Variants in ZNF726 observed in about 807,000 individuals in gnomAD.
The protein encoded by ZNF726 is zinc finger protein 92 pseudogene 3.
A neutral mutation model predicts 11.6 loss-of-function variants in ZNF726; 15 were observed. That is an observed-to-expected ratio of 1.29 (90% CI 0.86 to 1.99). The LOEUF (loss-of-function observed/expected upper bound fraction) is 1.99. Ranked by LOEUF, ZNF726 falls within the 30% of genes most tolerant of loss-of-function variation. The probability of loss-of-function intolerance (pLI) is 0.00; values close to 1 mark genes in which losing one functional copy is unlikely to be tolerated. For synonymous variants in ZNF726, 295 were observed against 243.6 expected, an observed-to-expected ratio of 1.21 and a Z score of -1.96; for missense variants, 890 against 725.6, an observed-to-expected ratio of 1.23 and a Z score of -2.60.
chr19:23,931,833 A>G (rs1465130326), intron 3 of ZNF726, among the ~76,000 whole-genome samples: 1 of 151,820 alleles, frequency 6.6e-6, no homozygotes, highest in Admixed American at 6.6e-5. Flanking sequence ...CTGCTGGAAC[A>G]TTTCTCTTTG....
chr19:23,915,480 A>G (rs1318303448), intron 1 of ZNF726, among the ~76,000 whole-genome samples: 1 of 152,222 alleles, frequency 6.6e-6, no homozygotes, highest in South Asian at 2.1e-4. Flanking sequence ...TTTGTATTCC[A>G]TGGAAGGAAA....
chr19:23,933,269 A>G lies in ZNF726; in HGVS notation c.1153A>G (p.Thr385Ala). ...AGCATTTATATGGCCCTCAACCCTA[A>G]CTAAACATAAGAGGATTCACACTGG... ...GKAFIWPSTL[T>A]KHKRIHTGEK... is the part of the protein sequence containing the mutation. The change falls in exon 4 of 4, where the codon ACT becomes GCT. Residue 385 changes from threonine to alanine, a missense_variant. Physicochemically the swap from Thr to Ala is moderately conservative, Grantham distance 58 (BLOSUM62 0). Transcript: ENST00000594466. 6.2e-7 allele frequency: 1 copy of G among 1,613,026 alleles called. No homozygotes were observed. The highest frequency in any genetic ancestry group is 1.3e-5 in the African/African-American group (1 of 74,604).
At chr19:23,926,424 G>A (rs1010337899) in intron 3 of ZNF726, among the ~76,000 whole-genome samples, 5 of 151,900 alleles carry the variant, frequency 3.3e-5, no homozygotes, top group Non-Finnish European at 7.4e-5. Context: ...GCGTGATGGC[G>A]TGCATGTTAA....
chr19:23,920,062 A>G lies in ZNF726; in HGVS notation c.206A>G (p.Glu69Gly). 1 of 1,586,238 alleles carries G rather than the reference A, an allele frequency of 6.3e-7. No homozygotes were observed. Residue 69 changes from glutamate to glycine, a missense_variant, in exon 3 of 4, where the codon GAG becomes GGG. Transcript: ENST00000594466. ...EKEPWNMKRD[E>G]MVDEPPGICP... ...GAGCCCTGGAATATGAAGCGAGATG[A>G]GATGGTGGATGAACCCCCAGGTAGG...
At position 23,933,601 on chromosome 19, in the gene ZNF726, C is replaced by A. The variant is rs1429937680; in HGVS notation, c.1485C>A (p.Thr495=). 1 of 1,609,530 alleles carries A rather than the reference C, an allele frequency of 6.2e-7. No homozygotes were observed. The highest frequency in any genetic ancestry group is 8.5e-7 in the Non-Finnish European group (1 of 1,178,524). ...GCAAAGCTTTTAGCCAGTCCTCAACCCTTACTGCACATAAGATAATTCATA... is the reference window on the plus strand; with the variant it reads ...GCAAAGCTTTTAGCCAGTCCTCAACACTTACTGCACATAAGATAATTCATA... ...ECGKAFSQSS[T]LTAHKIIHTG... The change falls in exon 4 of 4, where the codon ACC becomes ACA. Residue 495 remains threonine, a synonymous_variant. Coordinates refer to ENST00000594466, the MANE Select transcript of ZNF726 (RefSeq NM_001244038.2).
chr19:23,928,414 A>G (rs1968033577), intron 3 of ZNF726: 1 of 152,098 alleles, frequency 6.6e-6, no homozygotes, highest in Admixed American at 6.6e-5. Context: ...TACAATTATT[A>G]TGTTGCTATG....
At chr19:23,919,346 A>C (rs1278892891) in intron 1 of ZNF726, 27 bp from the exon 2 acceptor site, 2 of 1,595,466 alleles carry the variant, frequency 1.3e-6, no homozygotes, top group Non-Finnish European at 1.7e-6. Flanking sequence ...CACTTTGTAA[A>C]TATGTGTGTT....
downstream of ZNF726, chr19:23,934,493 T>A: frequency 2.6e-6 from 1 of 379,886 alleles, no homozygotes; most frequent in Non-Finnish European, 5.2e-6. Flanking sequence ...ATGTGGGAAA[T>A]CTTTCTTTTT....
chr19:23,920,129 G>C (rs1349258427), intron 3 of ZNF726, 47 bp downstream of exon 3: 1 of 1,348,038 alleles, frequency 7.4e-7, no homozygotes, highest in South Asian at 1.2e-5. Context: ...GAGGTCCAAC[G>C]TCAAGAAGAA....
chr19:23,942,112 T>G (rs1156541483), intron 3 of ZNF726, among the ~76,000 whole-genome samples: 2 of 152,200 alleles, frequency 1.3e-5, no homozygotes, highest in African/African-American at 4.8e-5. Flanking sequence ...GATATGAACT[T>G]TCCTCTTACC....
Position 23,934,040 on chromosome 19 carries a change from C to A in ZNF726, c.*73C>A. 1.3e-6 allele frequency: 2 copies of A among 1,510,174 alleles called. No homozygotes were observed. The highest frequency in any genetic ancestry group is 1.8e-6 in the Non-Finnish European group (2 of 1,091,506). The allele number at this position is 1,510,174 out of a possible 1,614,324, so 93.5% of individuals were successfully genotyped here. On this transcript the variant is annotated 3_prime_UTR_variant, in exon 4 of 4. Coordinates refer to ENST00000594466, the MANE Select transcript of ZNF726 (RefSeq NM_001244038.2). ...CCTCAACGCTAAACATAAGAGGATG[C>A]ACACTGGAGAGAAACCCTACAAATG...
rs1372777688 is a variant in ZNF726 at position 23,933,170 on chromosome 19, C to T, written c.1054C>T (p.Gln352Ter). 1.9e-6 allele frequency: 3 copies of T among 1,601,572 alleles called. No individual in the cohort carries two copies. Among genetic ancestry groups the T allele is most frequent in the Non-Finnish European group, 2.6e-6 (3 of 1,173,398 alleles). The part of the protein sequence containing the change: ...KCEECAKAFS[Q>*]FGHLTTHRII... The stretch of plus-strand genomic sequence containing the variant: ...TGAAGAATGTGCCAAAGCTTTTAGC[C>T]AATTCGGACACCTTACTACACATAG... Residue 352 changes from glutamine to a stop codon, truncating the protein, a stop_gained, in exon 4 of 4, where the codon CAA (glutamine) becomes TAA (stop). Transcript: ENST00000594466. LOFTEE classifies it low-confidence loss of function (END_TRUNC).
Position 23,920,017 on chromosome 19 carries a change from T to C in ZNF726, c.161T>C (p.Ile54Thr). 1.3e-6 allele frequency: 2 copies of C among 1,587,850 alleles called. No homozygotes were observed. Among genetic ancestry groups the C allele is most frequent in the South Asian group, 1.1e-5 (1 of 90,590 alleles). The change falls in exon 3 of 4, where the codon ATC becomes ACC. Residue 54 changes from isoleucine (I) to threonine (T), a missense_variant. Ile to Thr is a moderately conservative substitution (Grantham distance 89). Transcript: ENST00000594466. Reference protein sequence around the residue: ...GIAVSKPDLIICLEKEKEPWN... With the variant: ...GIAVSKPDLITCLEKEKEPWN... ...GCTGTCTCTAAGCCAGACCTCATCATCTGTCTGGAGAAAGAAAAAGAGCCC... is the reference window on the plus strand; with the variant it reads ...GCTGTCTCTAAGCCAGACCTCATCACCTGTCTGGAGAAAGAAAAAGAGCCC...
At chr19:23,925,951 G>A (rs79207750) in intron 3 of ZNF726, among the ~76,000 whole-genome samples, 1,658 of 151,094 alleles carry the variant, frequency 0.011, 34 homozygotes, top group African/African-American at 0.038. Flanking sequence ...ACCTGTCCTC[G>A]TGATCCGCCT....
chr19:23,923,728 C>T (rs1459974731), intron 3 of ZNF726: 1 of 158,484 alleles, frequency 6.3e-6, no homozygotes, highest in Non-Finnish European at 1.4e-5. Flanking sequence ...TACAGTCAAA[C>T]ATTGCAGTTA....
rs752415735 is a variant in ZNF726 at position 23,914,990 on chromosome 19, T to G, written c.-5T>G. The G allele has an allele frequency of 2.5e-6, 4 of 1,613,492 alleles. No homozygotes were observed. Among genetic ancestry groups the G allele is most frequent in the Non-Finnish European group, 2.5e-6 (3 of 1,179,952 alleles). On this transcript the variant is annotated 5_prime_UTR_variant, in exon 1 of 4. Coordinates refer to ENST00000594466, the MANE Select transcript of ZNF726 (RefSeq NM_001244038.2). ...CCCTGTGACCTGCCCCCTGGAAGCC[T>G]AGAAATGGTGAGAGTGCCGGGTGCG...
chr19:23,930,361 A>G (rs1968078245), intron 3 of ZNF726, among the ~76,000 whole-genome samples: 1 of 151,856 alleles, frequency 6.6e-6, no homozygotes, highest in Non-Finnish European at 1.5e-5. Flanking sequence ...TCACTTTTAC[A>G]TTCCATGTTT....
intron 3 of ZNF726, chr19:23,921,340 C>CT (rs781658676): frequency 4.6e-5 from 7 of 152,276 alleles, no homozygotes; most frequent in Non-Finnish European, 8.8e-5. Flanking sequence ...TAATGTCCTT[C>CT]TGCTTTGTTC....
chr19:23,934,070 G>T lies in ZNF726; in HGVS notation c.*103G>T. Reference sequence around the variant, plus strand: ...TGGAGAGAAACCCTACAAATGTGAAGAATGTGAAAAAGCTTTTAATCCTCA... The same window carrying T: ...TGGAGAGAAACCCTACAAATGTGAATAATGTGAAAAAGCTTTTAATCCTCA... On this transcript the variant is annotated 3_prime_UTR_variant, in exon 4 of 4. Transcript: ENST00000594466. 7.1e-7 allele frequency: 1 copy of T among 1,417,502 alleles called. No individual in the cohort carries two copies. The allele number at this position is 1,417,502 out of a possible 1,614,324, so 87.8% of individuals were successfully genotyped here. A position where few individuals can be genotyped will look rare whatever the true frequency, so the allele number is the denominator to read the frequency against.
Sources: allele counts gnomAD v4.1 joint callset (sites outside exome capture counted in the v4.1 genomes callset), GRCh38; gene constraint gnomAD v4.1.1; transcripts MANE v1.5; gene names NCBI Gene and HGNC (gene_info 2026-07-23, HGNC 2026-07-21).